C3orf38: variants seen among roughly 807,000 people sequenced by gnomAD.
The protein encoded by C3orf38 is uncharacterized protein C3orf38.
Under a neutral mutation model 28.3 loss-of-function variants are expected in C3orf38, and 18 were observed. The observed-to-expected ratio is 0.64, with a 90% CI of 0.44 to 0.94. The LOEUF (loss-of-function observed/expected upper bound fraction) is 0.94, where lower values mean the gene tolerates loss of function less well. Among genes scored for constraint, C3orf38 ranks in the 40% least tolerant of loss-of-function variants. C3orf38 has a pLI of 0.00. For missense variants in C3orf38, 364 were observed against 396.4 expected (o/e 0.92, Z 0.69); for synonymous variants, 145 against 138.1 (o/e 1.05, Z -0.35).
intron 1 of C3orf38, among the ~76,000 whole-genome samples, chr3:88,152,140 G>A (rs554994755): frequency 6.6e-6 from 1 of 152,310 alleles, no homozygotes; most frequent in African/African-American, 2.4e-5. Context: ...AGTGGGCCAG[G>A]TGTGGTGGCT....
rs1707491526 is a variant in C3orf38, at chr3:88,157,153, G to A, written c.*518G>A. On this transcript the variant is annotated 3_prime_UTR_variant, in exon 3 of 3. Transcript: ENST00000318887. ...TAGAGATGTTTAACGTAAACTCAAA[G>A]TTCTCATTTTAGAAAATTTAAATAA... is the stretch of plus-strand genomic sequence containing the variant. 1.3e-5 allele frequency: 2 copies of A among 152,134 alleles called. No individual in the cohort carries two copies. 9.4% of individuals were successfully genotyped at this position (152,134 alleles called of 1,614,324 possible).
chr3:88,153,756 T>C (rs1283829750), intron 2 of C3orf38, among the ~76,000 whole-genome samples: 4 of 151,980 alleles, frequency 2.6e-5, no homozygotes, highest in South Asian at 2.1e-4. Context: ...AATTTTTTGG[T>C]AGGGATAGGG....
chr3:88,152,588 C>T (rs1252916137), intron 1 of C3orf38, among the ~76,000 whole-genome samples: 1 of 151,696 alleles, frequency 6.6e-6, no homozygotes, highest in Admixed American at 6.6e-5. Context: ...CGGTGAAACC[C>T]TGTCTGTACT....
At position 88,153,282 on chromosome 3, in the gene C3orf38, G is replaced by A. The variant is rs1351322195; in HGVS notation, c.186G>A (p.Arg62=). ...GTCAAAGTGCAGAAGAACTTCTGAG[G>A]CGTAGAAAAGTCCACCGAGAAGTTA... ...AYSQSAEELL[R]RRKVHREVIF... Residue 62 remains arginine, a synonymous_variant, in exon 2 of 3, where the codon AGG becomes AGA. Transcript: ENST00000318887. The A allele has an allele frequency of 2.7e-5, 43 of 1,612,566 alleles. No individual in the cohort carries two copies. Among genetic ancestry groups the A allele is most frequent in the Non-Finnish European group, 3.5e-5 (41 of 1,179,490 alleles).
intron 1 of C3orf38, among the ~76,000 whole-genome samples, chr3:88,152,616 G>A (rs554941627): frequency 2.0e-5 from 3 of 152,068 alleles, no homozygotes; most frequent in South Asian, 4.1e-4. Flanking sequence ...TTAGCTGGGC[G>A]TCGTGGCAGG....
At position 88,150,179 on chromosome 3, in the gene C3orf38, C is replaced by T. The variant is rs746783288; in HGVS notation, c.127C>T (p.Arg43Cys). Residue 43 changes from arginine (R) to cysteine (C), a missense_variant, in exon 1 of 3, where the codon CGC becomes TGC. By Grantham distance (180) the Arg-to-Cys change is radical. Coordinates refer to ENST00000318887, the MANE Select transcript of C3orf38 (RefSeq NM_173824.4). The part of the protein sequence containing the change: ...VTNRLVQPQD[R>C]QDAVHAILAY... ...CAACCGCCTGGTGCAGCCTCAGGAC[C>T]GCCAAGGTAAGGGCGGACCCTTCAC... 1.9e-6 allele frequency: 3 copies of T among 1,614,020 alleles called. No homozygotes were observed. The East Asian group carries it at 6.7e-5, about 36-fold the overall frequency.
chr3:88,155,677 T>C (rs1382534366), intron 2 of C3orf38, among the ~76,000 whole-genome samples: 1 of 151,960 alleles, frequency 6.6e-6, no homozygotes, highest in African/African-American at 2.4e-5. Flanking sequence ...CAGGCTGGTC[T>C]CAAACTCCTG....
chr3:88,155,922 T>G (rs1707473044), intron 2 of C3orf38, 99 bp from the exon 3 acceptor site: 1 of 875,118 alleles, frequency 1.1e-6, no homozygotes, highest in Middle Eastern at 3.2e-4. Context: ...TTCTCTCTGG[T>G]GTAATGGGTT....
chr3:88,153,532 TCCTAG>T, intron 2 of C3orf38, 61 bp downstream of exon 2: 1 of 1,558,722 alleles, frequency 6.4e-7, no homozygotes, highest in Non-Finnish European at 8.7e-7. Flanking sequence ...TTGTTGATAA[TCCTAG>T]ATTGTGGGGA....
Position 88,156,140 on chromosome 3 carries a change from T to C in C3orf38, c.495T>C (p.Asp165=), listed in dbSNP as rs545413720. Residue 165 remains aspartate, a synonymous_variant, in exon 3 of 3, where the codon GAT becomes GAC. Coordinates refer to ENST00000318887, the MANE Select transcript of C3orf38 (RefSeq NM_173824.4). ...SQNPFLGPPQ[D]EWGPQHFWHD... is the part of the protein sequence containing the mutation. ...ATCCTTTTCTAGGACCACCTCAAGA[T>C]GAATGGGGACCACAGCACTTCTGGC... The C allele has an allele frequency of 6.2e-7, 1 of 1,613,832 alleles. No homozygotes were observed. Among genetic ancestry groups the C allele is most frequent in the East Asian group, 2.2e-5 (1 of 44,884 alleles).
chr3:88,153,755 G>T (rs1707446687), intron 2 of C3orf38, among the ~76,000 whole-genome samples: 1 of 151,694 alleles, frequency 6.6e-6, no homozygotes, highest in Non-Finnish European at 1.5e-5. Flanking sequence ...AAATTTTTTG[G>T]TAGGGATAGG....
intron 2 of C3orf38, among the ~76,000 whole-genome samples, chr3:88,154,782 A>T (rs190027986): frequency 6.6e-6 from 1 of 152,028 alleles, no homozygotes; most frequent in Admixed American, 6.6e-5. Flanking sequence ...CTAAGATCTC[A>T]TACATCTCAG....
intron 1 of C3orf38, among the ~76,000 whole-genome samples, chr3:88,152,483 C>T (rs551703966): frequency 6.6e-6 from 1 of 151,754 alleles, no homozygotes; most frequent in East Asian, 2.0e-4. Flanking sequence ...AATAGTTGGG[C>T]CGGGCTTGGT....
chr3:88,153,550 A>T (rs1433968186), intron 2 of C3orf38, 79 bp downstream of exon 2: 2 of 1,471,806 alleles, frequency 1.4e-6, no homozygotes, highest in South Asian at 1.3e-5. Flanking sequence ...TGTGGGGAAC[A>T]TGGTTAATAA....
intron 1 of C3orf38, 105 bp downstream of exon 1, chr3:88,150,290 A>G (rs143192854): frequency 2.0e-5 from 28 of 1,381,124 alleles, no homozygotes; most frequent in Admixed American, 1.7e-4. Flanking sequence ...CCGCAGATCC[A>G]CAGCTCTGGA....
At position 88,157,545 on chromosome 3, in the gene C3orf38, A is replaced by G. The variant is rs1707496296; in HGVS notation, c.*910A>G. 2 of 152,240 alleles carry G rather than the reference A, an allele frequency of 1.3e-5. No individual in the cohort carries two copies. Among genetic ancestry groups the G allele is most frequent in the Admixed American group, 1.3e-4 (2 of 15,284 alleles). The allele number at this position is 152,240 out of a possible 1,614,324, so 9.4% of individuals were successfully genotyped here. ...AAACCCCAAAACAACCCATGCATGT[A>G]TAATGTGTGTATACACATATACATA... On this transcript the variant is annotated 3_prime_UTR_variant, in exon 3 of 3. Coordinates refer to ENST00000318887, the MANE Select transcript of C3orf38 (RefSeq NM_173824.4).
Position 88,150,049 on chromosome 3 carries a change from G to C in C3orf38, c.-4G>C. On this transcript the variant is annotated 5_prime_UTR_variant, in exon 1 of 3. Transcript: ENST00000318887. The stretch of plus-strand genomic sequence containing the variant: ...GCCGTTGTCTTTCCCCCCCAGTCCC[G>C]GGGATGGAGATGTCGGGACTCAGCT... 1 of 1,613,402 alleles carries C rather than the reference G, an allele frequency of 6.2e-7. No homozygotes were observed.
intron 1 of C3orf38, among the ~76,000 whole-genome samples, chr3:88,151,681 G>A (rs1707415766): frequency 6.6e-6 from 1 of 152,150 alleles, no homozygotes; most frequent in South Asian, 2.1e-4. Context: ...ATAGAAGTCT[G>A]TAAACAGAAG....
intron 1 of C3orf38, 57 bp downstream of exon 1, chr3:88,150,242 C>T: frequency 2.5e-6 from 4 of 1,594,742 alleles, no homozygotes; most frequent in East Asian, 2.2e-5. Flanking sequence ...CTCACGCCTA[C>T]CCCGCTTAGG....
Sources: allele counts gnomAD v4.1 joint callset (sites outside exome capture counted in the v4.1 genomes callset), GRCh38; gene constraint gnomAD v4.1.1; transcripts MANE v1.5; gene names NCBI Gene and HGNC (gene_info 2026-07-23, HGNC 2026-07-21).